Variants in POFUT3 observed in about 807,000 individuals in gnomAD.
POFUT3 encodes GDP-fucose protein O-fucosyltransferase 3.
chr8:33,430,749 C>T, the POFUT3 span, among the ~76,000 whole-genome samples: 1 of 152,180 alleles, frequency 6.6e-6, no homozygotes, highest in African/African-American at 2.4e-5. Context: ...GCTGGGATTA[C>T]AGGCATGCGC....
the POFUT3 span, among the ~76,000 whole-genome samples, chr8:33,392,278 G>C: frequency 6.6e-6 from 1 of 152,114 alleles, no homozygotes; most frequent in South Asian, 2.1e-4. Context: ...GGAGAAGATT[G>C]AAAATAGGTC....
chr8:33,395,423 C>T, the POFUT3 span, among the ~76,000 whole-genome samples: 10 of 152,034 alleles, frequency 6.6e-5, no homozygotes, highest in African/African-American at 1.9e-4. Flanking sequence ...CGGCCAGGGA[C>T]GATTGGAGAG....
At chr8:33,389,173 T>A in the POFUT3 span, 1 of 1,614,142 alleles carries the variant, frequency 6.2e-7, no homozygotes, top group Non-Finnish European at 8.5e-7. Context: ...TGATGTAACT[T>A]GCCAGTTCCC....
chr8:33,377,031 G>A, the POFUT3 span, among the ~76,000 whole-genome samples: 1 of 152,100 alleles, frequency 6.6e-6, no homozygotes, highest in African/African-American at 2.4e-5. Flanking sequence ...AAGAGTTCGA[G>A]ACCAGCCTGG....
the POFUT3 span, among the ~76,000 whole-genome samples, chr8:33,393,684 G>A: frequency 3.9e-5 from 6 of 152,174 alleles, no homozygotes; most frequent in Non-Finnish European, 7.4e-5. Context: ...AATCCCGGGT[G>A]GGGACAAGAA....
the POFUT3 span, among the ~76,000 whole-genome samples, chr8:33,442,202 T>C: frequency 2.6e-5 from 4 of 152,032 alleles, no homozygotes; most frequent in Non-Finnish European, 5.9e-5. Flanking sequence ...CCTGACCTTG[T>C]GATCTGCCCG....
chr8:33,447,171 G>C, the POFUT3 span, among the ~76,000 whole-genome samples: 4 of 152,244 alleles, frequency 2.6e-5, no homozygotes, highest in Admixed American at 6.5e-5. Context: ...ATTCCAGGCC[G>C]GGCGCGGTGG....
chr8:33,424,620 T>C, the POFUT3 span, among the ~76,000 whole-genome samples: 1 of 152,214 alleles, frequency 6.6e-6, no homozygotes, highest in Non-Finnish European at 1.5e-5. Context: ...CTGAGATCCC[T>C]TTCCAGCTAA....
the POFUT3 span, among the ~76,000 whole-genome samples, chr8:33,416,087 C>T: frequency 6.6e-6 from 1 of 151,874 alleles, no homozygotes; most frequent in African/African-American, 2.4e-5. Context: ...ATTATTGCAT[C>T]CAGAAAACAA....
At chr8:33,408,160 C>CA in the POFUT3 span, among the ~76,000 whole-genome samples, 3 of 147,276 alleles carry the variant, frequency 2.0e-5, no homozygotes, top group African/African-American at 2.5e-5. Context: ...TCTATCTCTA[C>CA]AAAAAAAATG....
At chr8:33,453,293 C>G in the POFUT3 span, 65 of 1,614,120 alleles carry the variant, frequency 4.0e-5, no homozygotes, top group Non-Finnish European at 5.4e-5. Flanking sequence ...ATCTGCTCCA[C>G]ATTGGCCTAA....
the POFUT3 span, among the ~76,000 whole-genome samples, chr8:33,323,670 G>A: frequency 6.6e-6 from 1 of 152,194 alleles, no homozygotes; most frequent in Non-Finnish European, 1.5e-5. Flanking sequence ...CAAATCAGAA[G>A]TTTGGGAAGG....
the POFUT3 span, among the ~76,000 whole-genome samples, chr8:33,393,087 A>G: frequency 1.3e-3 from 202 of 152,318 alleles, no homozygotes; most frequent in African/African-American, 4.7e-3. Context: ...CAATTTCTAA[A>G]AGGTATTGGA....
chr8:33,368,828 A>G, the POFUT3 span, among the ~76,000 whole-genome samples: 1 of 152,182 alleles, frequency 6.6e-6, no homozygotes, highest in South Asian at 2.1e-4. Context: ...TGATTATCCT[A>G]TTGAGAGCTT....
the POFUT3 span, among the ~76,000 whole-genome samples, chr8:33,431,927 A>G: frequency 6.6e-6 from 1 of 152,190 alleles, no homozygotes; most frequent in Non-Finnish European, 1.5e-5. Flanking sequence ...AGCTGTCCCC[A>G]ACACATTCCC....
the POFUT3 span, among the ~76,000 whole-genome samples, chr8:33,342,410 A>C: frequency 6.6e-6 from 1 of 152,054 alleles, no homozygotes; most frequent in African/African-American, 2.4e-5. Flanking sequence ...AAAGGGAAAA[A>C]ATATTGCAAC....
At chr8:33,412,224 A>C in the POFUT3 span, among the ~76,000 whole-genome samples, 11 of 152,342 alleles carry the variant, frequency 7.2e-5, no homozygotes, top group Admixed American at 2.0e-4. Context: ...TGTTTTAATA[A>C]GGCCTCACAT....
At chr8:33,404,954 G>A in the POFUT3 span, among the ~76,000 whole-genome samples, 1 of 151,812 alleles carries the variant, frequency 6.6e-6, no homozygotes, top group Non-Finnish European at 1.5e-5. Flanking sequence ...TTCTATACAT[G>A]ATAATTTGCT....
At chr8:33,415,858 T>A in the POFUT3 span, among the ~76,000 whole-genome samples, 1 of 152,024 alleles carries the variant, frequency 6.6e-6, no homozygotes, top group Non-Finnish European at 1.5e-5. Context: ...AAAAAGCGGG[T>A]TTAATCAGCC....
Sources: gnomAD v4.1 joint callset for allele counts (sites outside exome capture counted in the v4.1 genomes callset) on GRCh38, gnomAD v4.1.1 for gene constraint, MANE v1.5 for transcripts, NCBI Gene and HGNC (gene_info 2026-07-23, HGNC 2026-07-21) for gene names.